FBXL4: variants seen among roughly 807,000 people sequenced by gnomAD.
The protein encoded by FBXL4 is F-box/LRR-repeat protein 4.
A neutral mutation model predicts 58.9 loss-of-function variants in FBXL4; 40 were observed. That is an observed-to-expected ratio of 0.68 (90% CI 0.53 to 0.88). The LOEUF (loss-of-function observed/expected upper bound fraction) is 0.88, where lower values mean the gene tolerates loss of function less well. Ranked by LOEUF, FBXL4 falls within the 40% of genes least tolerant of loss-of-function variation. The pLI is 0.00. For missense variants in FBXL4, 676 were observed against 734.4 expected, an observed-to-expected ratio of 0.92 and a Z score of 0.92; for synonymous variants, 263 against 265.5, an observed-to-expected ratio of 0.99 and a Z score of 0.09.
At chr6:98,917,796 C>T (rs1173376536) in intron 4 of FBXL4, 77 bp from the exon 5 acceptor site, 12 of 956,166 alleles carry the variant, frequency 1.3e-5, no homozygotes, top group Non-Finnish European at 1.9e-5. Context: ...AGACCCATGC[C>T]CAATATGTCA....
At chr6:98,941,033 G>A (rs187926677) in intron 1 of FBXL4, among the ~76,000 whole-genome samples, 3 of 152,180 alleles carry the variant, frequency 2.0e-5, no homozygotes, top group Middle Eastern at 3.4e-3. Flanking sequence ...AGGTCCATCC[G>A]CCCTTACCAA....
chr6:98,896,764 C>A (rs1771425170), intron 7 of FBXL4: 1 of 937,530 alleles, frequency 1.1e-6, no homozygotes. Flanking sequence ...TTAATATATT[C>A]ATACAATGAT....
chr6:98,882,095 C>A (rs1770874361), intron 7 of FBXL4, among the ~76,000 whole-genome samples: 1 of 152,010 alleles, frequency 6.6e-6, no homozygotes, highest in Non-Finnish European at 1.5e-5. Context: ...GAGATAAATA[C>A]ACACATACAT....
intron 7 of FBXL4, among the ~76,000 whole-genome samples, chr6:98,882,251 C>T (rs959383720): frequency 2.6e-5 from 4 of 151,852 alleles, no homozygotes; most frequent in African/African-American, 9.7e-5. Context: ...ACATTCTTTG[C>T]TTATCTGGCT....
At chr6:98,900,792 C>T (rs546124734) in intron 6 of FBXL4, among the ~76,000 whole-genome samples, 168 of 152,230 alleles carry the variant, frequency 1.1e-3, no homozygotes, top group Non-Finnish European at 1.9e-3. Flanking sequence ...ACGTGAACAC[C>T]CGTTTATTCT....
At chr6:98,875,898 A>G (rs886303345) in intron 8 of FBXL4, among the ~76,000 whole-genome samples, 171 bp from the exon 9 acceptor site, 1 of 152,212 alleles carries the variant, frequency 6.6e-6, no homozygotes, top group African/African-American at 2.4e-5. Context: ...ACTGTTTCAT[A>G]AAACAGCCAG....
At chr6:98,882,428 T>C (rs1449394333) in intron 7 of FBXL4, among the ~76,000 whole-genome samples, 1 of 152,058 alleles carries the variant, frequency 6.6e-6, no homozygotes, top group Non-Finnish European at 1.5e-5. Flanking sequence ...GGTATTACGA[T>C]GTGAATATAC....
intron 1 of FBXL4, among the ~76,000 whole-genome samples, chr6:98,936,442 T>C (rs746589835): frequency 4.6e-5 from 7 of 152,226 alleles, no homozygotes; most frequent in Non-Finnish European, 1.0e-4. Context: ...AGGTTTGAAC[T>C]GTGTGGGTCC....
At position 98,943,857 on chromosome 6, in the gene FBXL4, T is replaced by A. The variant is rs578193937; in HGVS notation, c.-309+3949A>T. The stretch of plus-strand genomic sequence containing the variant: ...TAAACAGGGCAAAAAAGATACTTCA[T>A]ATTCTTTAAGATAAAATCCACTAAG... On this transcript the variant is annotated intron_variant, in intron 1 of 9. Transcript: ENST00000369244. Among the ~76,000 whole-genome samples, 8 of 152,314 alleles carry A rather than the reference T, an allele frequency of 5.3e-5. 1 individual carries two copies. Among genetic ancestry groups the A allele is most frequent in the Admixed American group, 1.3e-4 (2 of 15,296 alleles).
intron 7 of FBXL4, among the ~76,000 whole-genome samples, chr6:98,891,215 A>G (rs1011445483): frequency 9.2e-5 from 14 of 152,336 alleles, no homozygotes; most frequent in African/African-American, 3.1e-4. Flanking sequence ...TAAAAAGAAA[A>G]GGCTAAATAT....
chr6:98,918,186 T>C (rs1287740733), intron 4 of FBXL4, among the ~76,000 whole-genome samples: 3 of 152,200 alleles, frequency 2.0e-5, no homozygotes, highest in Non-Finnish European at 4.4e-5. Context: ...ATTATCTTTT[T>C]CTCTTTATTT....
chr6:98,912,263 T>A (rs1772117693), intron 5 of FBXL4, among the ~76,000 whole-genome samples: 1 of 152,166 alleles, frequency 6.6e-6, no homozygotes, highest in Admixed American at 6.5e-5. Flanking sequence ...CAGGATATTA[T>A]CCAGGAGAAC....
intron 4 of FBXL4, among the ~76,000 whole-genome samples, chr6:98,921,815 A>T (rs536017719): frequency 2.8e-4 from 43 of 152,222 alleles, no homozygotes; most frequent in African/African-American, 9.6e-4. Context: ...ATTCCACATC[A>T]TTAAATTTCA....
chr6:98,909,955 G>A (rs546491836), intron 5 of FBXL4, among the ~76,000 whole-genome samples: 6 of 152,258 alleles, frequency 3.9e-5, no homozygotes, highest in Middle Eastern at 3.4e-3. Flanking sequence ...GTAATATGTT[G>A]GAGAGGCATT....
At chr6:98,934,393 C>T (rs533688699) in intron 2 of FBXL4, among the ~76,000 whole-genome samples, 45 of 149,338 alleles carry the variant, frequency 3.0e-4, no homozygotes, top group African/African-American at 4.5e-4. Flanking sequence ...AGTGAGACTC[C>T]GTCTCAAAAA....
rs1436051186 is a variant in FBXL4 at position 98,931,403 on chromosome 6, T to C, written c.-191+3359A>G. Among the ~76,000 whole-genome samples the C allele has an allele frequency of 3.3e-5, 5 of 152,324 alleles. No individual in the cohort carries two copies. The East Asian group carries it at 9.6e-4, about 29-fold the overall frequency. On this transcript the variant is annotated intron_variant, in intron 2 of 9. Transcript: ENST00000369244. Reference sequence around the variant, plus strand: ...AAAAGTGAGTTATAAACTGTAAATATATGTGTTATATGTTCAAACTTCTTC... The same window carrying C: ...AAAAGTGAGTTATAAACTGTAAATACATGTGTTATATGTTCAAACTTCTTC...
chr6:98,926,573 G>GAA lies in FBXL4; in HGVS notation c.415_416insTT (p.Ala139ValfsTer6), dbSNP rs767543583. On this transcript the variant is annotated frameshift_variant, in exon 4 of 10. Coordinates refer to ENST00000369244, the MANE Select transcript of FBXL4 (RefSeq NM_001278716.2). LOFTEE classifies it high-confidence loss of function. ...ATGATAGGTTTCTAGAACATGTACA[G>GAA]CTGTAGGATACACCTGTTGTTCAAA... 1 of 1,614,140 alleles carries GAA rather than the reference G, an allele frequency of 6.2e-7. No individual in the cohort carries two copies. Among genetic ancestry groups the GAA allele is most frequent in the Non-Finnish European group, 8.5e-7 (1 of 1,180,012 alleles).
At chr6:98,935,063 T>TAC (rs1231155611) in intron 1 of FBXL4, among the ~76,000 whole-genome samples, 184 bp from the exon 2 acceptor site, 1 of 152,048 alleles carries the variant, frequency 6.6e-6, no homozygotes, top group East Asian at 1.9e-4. Flanking sequence ...ACCCAAGAAG[T>TAC]CAAGTAGGAA....
At chr6:98,881,763 T>C (rs1042371542) in intron 7 of FBXL4, among the ~76,000 whole-genome samples, 3 of 152,098 alleles carry the variant, frequency 2.0e-5, no homozygotes, top group African/African-American at 7.2e-5. Flanking sequence ...AAAAAGTTTA[T>C]ATTGATTTTA....
Sources: gnomAD v4.1 joint callset for allele counts (sites outside exome capture counted in the v4.1 genomes callset) on GRCh38, gnomAD v4.1.1 for gene constraint, MANE v1.5 for transcripts, NCBI Gene and HGNC (gene_info 2026-07-23, HGNC 2026-07-21) for gene names.